Variants in OTUD7B observed in about 807,000 individuals in gnomAD.
OTUD7B encodes OTU deubiquitinase 7B.
In OTUD7B, 34 loss-of-function variants were observed where a neutral mutation model predicts 82.2. That is an observed-to-expected ratio of 0.41 (90% confidence interval 0.31 to 0.55). The LOEUF is 0.55. Ranked by LOEUF, OTUD7B falls within the 20% of genes least tolerant of loss-of-function variation. The pLI is 0.20. For synonymous variants in OTUD7B, 398 were observed against 402.7 expected (o/e 0.99, Z 0.14); for missense variants, 944 against 1,062.1 (o/e 0.89, Z 1.55).
chr1:149,962,158 C>G (rs1324730024), intron 6 of OTUD7B: 3 of 152,182 alleles, frequency 2.0e-5, no homozygotes, highest in Non-Finnish European at 4.4e-5. Flanking sequence ...CTCCAATAGA[C>G]ACATCCAGAT....
chr1:150,022,266 C>T, the OTUD7B span, among the ~76,000 whole-genome samples: 2 of 151,840 alleles, frequency 1.3e-5, no homozygotes, highest in South Asian at 2.1e-4. Flanking sequence ...GGCGTGTTGG[C>T]GCATGCCTGT....
intron 1 of OTUD7B, among the ~76,000 whole-genome samples, chr1:149,996,698 T>G (rs148132132): frequency 3.5e-4 from 54 of 152,336 alleles, no homozygotes; most frequent in African/African-American, 1.2e-3. Flanking sequence ...ATCTATTTTA[T>G]GGCATTGCTA....
intron 4 of OTUD7B, among the ~76,000 whole-genome samples, chr1:149,966,511 A>G (rs1649528706): frequency 6.6e-6 from 1 of 152,242 alleles, no homozygotes; most frequent in African/African-American, 2.4e-5. Flanking sequence ...AGGAATGAGC[A>G]ATAAGATAAA....
chr1:149,952,450 T>C (rs1408620643), intron 7 of OTUD7B, among the ~76,000 whole-genome samples: 2 of 152,174 alleles, frequency 1.3e-5, no homozygotes, highest in African/African-American at 4.8e-5. Flanking sequence ...AGTCTATCAT[T>C]GTTGGACATT....
chr1:150,067,113 C>T, the OTUD7B span: 1 of 152,414 alleles, frequency 6.6e-6, no homozygotes, highest in African/African-American at 2.4e-5. Flanking sequence ...GCTGCAGACC[C>T]TCCTGGAGAA....
chr1:149,964,182 A>C (rs782000053), intron 6 of OTUD7B, 40 bp downstream of exon 6: 2 of 1,603,764 alleles, frequency 1.2e-6, no homozygotes, highest in South Asian at 2.2e-5. Flanking sequence ...GCAGCTTGGT[A>C]ACTTTAGGAA....
At chr1:149,992,337 T>C (rs1651625661) in intron 1 of OTUD7B, among the ~76,000 whole-genome samples, 1 of 152,200 alleles carries the variant, frequency 6.6e-6, no homozygotes, top group East Asian at 1.9e-4. Context: ...ATAACTATTT[T>C]GTAGCAAGAG....
chr1:149,947,998 G>A (rs1647884121), intron 10 of OTUD7B, among the ~76,000 whole-genome samples: 1 of 152,028 alleles, frequency 6.6e-6, no homozygotes. Context: ...TTTATTTTTT[G>A]GATGGAGTTT....
rs2092741676 is a variant in OTUD7B, at chr1:149,938,581, C to T, written c.*5276G>A. ...AAGAGCCTCATTCTATTCTTTAGCA[C>T]TTTGAGGTGTGGAGACAGTGGAGGA... On this transcript the variant is annotated 3_prime_UTR_variant, in exon 12 of 12. Transcript: ENST00000581312. 1 of 149,604 alleles carries T rather than the reference C, an allele frequency of 6.7e-6. No individual in the cohort carries two copies. The highest frequency in any genetic ancestry group is 1.5e-5 in the Non-Finnish European group (1 of 67,752). 9.3% of individuals were successfully genotyped at this position (149,604 alleles called of 1,614,324 possible).
the OTUD7B span, among the ~76,000 whole-genome samples, chr1:150,037,122 T>C: frequency 6.6e-6 from 1 of 152,148 alleles, no homozygotes; most frequent in African/African-American, 2.4e-5. Flanking sequence ...TTAGATCAGA[T>C]ACAGTCCGGT....
At chr1:149,976,026 G>GA (rs1245259087) in intron 2 of OTUD7B, among the ~76,000 whole-genome samples, 149,477 of 149,590 alleles carry the variant, frequency 1, 74,682 homozygotes, top group Middle Eastern at 1. Context: ...GTCTCAAAAA[G>GA]AAAAAAAAAG....
chr1:149,989,734 G>GA (rs2101896515), intron 1 of OTUD7B, among the ~76,000 whole-genome samples: 1 of 1,160 alleles, frequency 8.6e-4, no homozygotes, highest in South Asian at 0.028. Context: ...GTGAGACCCT[G>GA]TTAAAAAAAA....
upstream of OTUD7B, among the ~76,000 whole-genome samples, chr1:150,011,479 C>T (rs1553787406): frequency 6.6e-6 from 1 of 152,120 alleles, no homozygotes; most frequent in African/African-American, 2.4e-5. Flanking sequence ...TAGTAAAATA[C>T]ATAAAACTAT....
At chr1:149,979,832 T>C (rs1332300834) in intron 1 of OTUD7B, among the ~76,000 whole-genome samples, 1 of 152,106 alleles carries the variant, frequency 6.6e-6, no homozygotes, top group Non-Finnish European at 1.5e-5. Flanking sequence ...GCCACAGCCT[T>C]AGGTCAGAGG....
intron 1 of OTUD7B, among the ~76,000 whole-genome samples, chr1:149,999,544 A>G (rs1395826829): frequency 6.6e-6 from 1 of 152,202 alleles, no homozygotes; most frequent in Non-Finnish European, 1.5e-5. Context: ...AATGGAACAC[A>G]TAAGAGGAGA....
the OTUD7B span, among the ~76,000 whole-genome samples, chr1:150,052,240 T>C: frequency 1.3e-5 from 2 of 152,196 alleles, no homozygotes; most frequent in Non-Finnish European, 2.9e-5. Flanking sequence ...TATTTCTGTT[T>C]GCAGACGACA....
intron 11 of OTUD7B, among the ~76,000 whole-genome samples, chr1:149,946,780 C>G (rs1353778257): frequency 7.1e-6 from 1 of 140,128 alleles, no homozygotes; most frequent in African/African-American, 2.7e-5. Flanking sequence ...AGGCCAGGCG[C>G]GGTGGCTCAC....
chr1:150,004,753 T>C (rs1553785718), intron 1 of OTUD7B, among the ~76,000 whole-genome samples: 1 of 152,152 alleles, frequency 6.6e-6, no homozygotes, highest in African/African-American at 2.4e-5. Context: ...ATCTCAGGTA[T>C]AGTCCTGTTT....
intron 1 of OTUD7B, among the ~76,000 whole-genome samples, chr1:149,980,945 C>T (rs1650678883): frequency 7.2e-6 from 1 of 139,202 alleles, no homozygotes; most frequent in African/African-American, 2.7e-5. Context: ...CCTGGGAGGT[C>T]AAGGCTATAT....
Sources: allele counts gnomAD v4.1 joint callset (sites outside exome capture counted in the v4.1 genomes callset), GRCh38; gene constraint gnomAD v4.1.1; transcripts MANE v1.5; gene names NCBI Gene and HGNC (gene_info 2026-07-23, HGNC 2026-07-21).